The following ABCB6 variants were observed in gnomAD, a reference collection of about 807,000 sequenced individuals.
ABCB6 encodes the protein ATP binding cassette subfamily B member 6 (LAN blood group).
ABCB6 carries 87 observed loss-of-function variants against 99.4 expected under a neutral mutation model. The observed-to-expected ratio is 0.88, with a 90% confidence interval of 0.74 to 1.05. The LOEUF is 1.05. Among genes scored for constraint, ABCB6 ranks in the 50% least tolerant of loss-of-function variants. The probability of loss-of-function intolerance (pLI) is 0.00; values close to 1 mark genes in which losing one functional copy is unlikely to be tolerated. For missense variants in ABCB6, 1,050 were observed against 1,097.9 expected (o/e 0.96, Z 0.62); for synonymous variants, 482 against 447.5 (o/e 1.08, Z -0.97).
rs749201224 is a variant in ABCB6, at chr2:219,213,846, C to CA, written c.1557dup (p.Val520CysfsTer3). ...CTCACCTGTAGCTTCTGCTCAGTGA[C>CA]AAAGTATGCGCAAAGCAGGGAGCCG... On this transcript the variant is annotated frameshift_variant, in exon 9 of 19. Transcript: ENST00000265316. LOFTEE classifies it high-confidence loss of function. The CA allele has an allele frequency of 5.6e-6, 9 of 1,614,176 alleles. No homozygotes were observed. In the Admixed American group the frequency reaches 1.5e-4, roughly 27 times the overall value.
chr2:219,218,209 A>G lies in ABCB6; in HGVS notation c.465T>C (p.Thr155=). The part of the protein sequence containing the change: ...RHSPGLLLLW[T]VAFAAENLAL... ...CCAAGTTCTCAGCTGCAAACGCCAC[A>G]GTCCAGAGGAGCAGGAGACCAGGGC... Residue 155 remains threonine (T), a synonymous_variant, in exon 1 of 19, where the codon ACT becomes ACC. Coordinates refer to ENST00000265316, the MANE Select transcript of ABCB6 (RefSeq NM_005689.4). The G allele has an allele frequency of 6.2e-7, 1 of 1,613,848 alleles. No individual in the cohort carries two copies. The highest frequency in any genetic ancestry group is 8.5e-7 in the Non-Finnish European group (1 of 1,180,000).
In ABCB6 at chr2:219,210,956, A is replaced by G. The variant is rs767889084; in HGVS notation, c.2121T>C (p.Asp707=). The part of the protein sequence containing the change: ...EAAAQAAGIH[D]AIMAFPEGYR... ...CACCTTCAGGGAAAGCCATAATGGC[A>G]TCATGGATGCCTGCAGCCTGAGCAG... The change falls in exon 15 of 19, where the codon GAT becomes GAC. Residue 707 remains aspartate, a synonymous_variant. Coordinates refer to ENST00000265316, the MANE Select transcript of ABCB6 (RefSeq NM_005689.4). 1.2e-6 allele frequency: 2 copies of G among 1,614,214 alleles called. No homozygotes were observed. Among genetic ancestry groups the G allele is most frequent in the Non-Finnish European group, 1.7e-6 (2 of 1,180,032 alleles).
At chr2:219,210,860 G>A (rs767996653) in intron 15 of ABCB6, 37 bp from the exon 16 acceptor site, 16 of 1,613,132 alleles carry the variant, frequency 9.9e-6, no homozygotes, top group East Asian at 4.5e-5. Context: ...CTTACGAAAC[G>A]GAGGGAACAG....
Position 219,213,853 on chromosome 2 carries a change from T to G in ABCB6, c.1551A>C (p.Ala517=), listed in dbSNP as rs777482073. ...GTAGCTTCTGCTCAGTGACAAAGTA[T>G]GCGCAAAGCAGGGAGCCGGCGAGGA... ...LGLLAGSLLC[A]YFVTEQKLQV... The change falls in exon 9 of 19, where the codon GCA becomes GCC. Residue 517 remains alanine, a synonymous_variant. Coordinates refer to ENST00000265316, the MANE Select transcript of ABCB6 (RefSeq NM_005689.4). 2 of 1,613,952 alleles carry G rather than the reference T, an allele frequency of 1.2e-6. No individual in the cohort carries two copies. The highest frequency in any genetic ancestry group is 2.7e-5 in the African/African-American group (2 of 74,890).
At position 219,216,615 on chromosome 2, in the gene ABCB6, A is replaced by G; in HGVS notation, c.868+37T>C. On this transcript the variant is annotated intron_variant, in intron 3 of 18. Coordinates refer to ENST00000265316, the MANE Select transcript of ABCB6 (RefSeq NM_005689.4). This position sits in a 1 kb window ranked among gnomAD's most constrained non-coding sequence, Gnocchi z 4.2. The stretch of plus-strand genomic sequence containing the variant: ...ACCATCCCAGCCACCAGGCTGATGA[A>G]GGACCAGCACACTGAGCTGGTGCTC... The G allele has an allele frequency of 6.5e-7, 1 of 1,542,926 alleles. No individual in the cohort carries two copies. The highest frequency in any genetic ancestry group is 1.7e-4 in the Middle Eastern group (1 of 5,904).
chr2:219,213,853 T>A lies in ABCB6; in HGVS notation c.1551A>T (p.Ala517=). 7 of 1,614,070 alleles carry A rather than the reference T, an allele frequency of 4.3e-6. No individual in the cohort carries two copies. Among genetic ancestry groups the A allele is most frequent in the Non-Finnish European group, 5.9e-6 (7 of 1,180,038 alleles). The change falls in exon 9 of 19, where the codon GCA becomes GCT. Residue 517 remains alanine (A), a synonymous_variant. Coordinates refer to ENST00000265316, the MANE Select transcript of ABCB6 (RefSeq NM_005689.4). ...LGLLAGSLLC[A]YFVTEQKLQV... is the part of the protein sequence containing the mutation. ...GTAGCTTCTGCTCAGTGACAAAGTA[T>A]GCGCAAAGCAGGGAGCCGGCGAGGA...
At chr2:219,217,936 A>T (rs1379021792) in intron 1 of ABCB6, 129 bp from the exon 2 acceptor site, 1 of 1,313,634 alleles carries the variant, frequency 7.6e-7, no homozygotes, top group South Asian at 1.6e-5. Flanking sequence ...AAAAAAAAAA[A>T]GCAAAACCAC....
chr2:219,210,772 TTC>T lies in ABCB6; in HGVS notation c.2193_2194del (p.Lys732AlafsTer20). ...GGTGCGGGCAATGGCGACGCGCTGC[TTC>T]TCCCCGCCGCTCAGCTTCAGTCCCC... On this transcript the variant is annotated frameshift_variant, in exon 16 of 19. Transcript: ENST00000265316. LOFTEE classifies it high-confidence loss of function. 6.2e-7 allele frequency: 1 copy of T among 1,613,704 alleles called. No homozygotes were observed. Among genetic ancestry groups the T allele is most frequent in the Admixed American group, 1.7e-5 (1 of 60,012 alleles).
chr2:219,210,420 T>G lies in ABCB6; in HGVS notation c.2312A>C (p.Lys771Thr). The change falls in exon 17 of 19, where the codon AAA (lysine) becomes ACA (threonine). Residue 771 changes from lysine to threonine, a missense_variant. By Grantham distance (78) the Lys-to-Thr change is moderately conservative. Transcript: ENST00000265316. ...NERAIQASLA[K>T]VCANRTTIVV... ...GATGGTGGTGCGGTTGGCACAGACT[T>G]TGGCCAGAGAAGCCTGGATGGCCCT... 6.2e-7 allele frequency: 1 copy of G among 1,614,178 alleles called. No homozygotes were observed. Among genetic ancestry groups the G allele is most frequent in the Non-Finnish European group, 8.5e-7 (1 of 1,180,024 alleles).
At chr2:219,210,115 CAGAG>C (rs1559234010) in intron 18 of ABCB6, 69 bp from the exon 19 acceptor site, 10 of 1,598,290 alleles carry the variant, frequency 6.3e-6, no homozygotes, top group Non-Finnish European at 8.6e-6. Context: ...CACCAGCCCA[CAGAG>C]AGGACGGGAT....
At chr2:219,217,128 G>A (rs1402119316) in intron 2 of ABCB6, among the ~76,000 whole-genome samples, 1 of 152,194 alleles carries the variant, frequency 6.6e-6, no homozygotes, top group East Asian at 1.9e-4. Context: ...GGAGTCCGAG[G>A]CAGGTGGGTC....
At position 219,214,347 on chromosome 2, in the gene ABCB6, C is replaced by T. The variant is rs764495190; in HGVS notation, c.1386+42G>A. 3.2e-6 allele frequency: 5 copies of T among 1,555,570 alleles called. No individual in the cohort carries two copies. In the Admixed American group the frequency reaches 6.7e-5, roughly 21 times the overall value. On this transcript the variant is annotated intron_variant, in intron 7 of 18. Coordinates refer to ENST00000265316, the MANE Select transcript of ABCB6 (RefSeq NM_005689.4). ...CAGTGGTCCTGGTTACACTCCTCCACATCTCCACGCCTCACACCACTGCCA... is the reference window on the plus strand; with the variant it reads ...CAGTGGTCCTGGTTACACTCCTCCATATCTCCACGCCTCACACCACTGCCA...
chr2:219,218,332 C>G lies in ABCB6; in HGVS notation c.342G>C (p.Glu114Asp), dbSNP rs2106430951. The change falls in exon 1 of 19, where the codon GAG becomes GAC. Residue 114 changes from glutamate to aspartate, a missense_variant. Physicochemically the swap from Glu to Asp is conservative, Grantham distance 45. Transcript: ENST00000265316. ...PSYLLLASVL[E>D]SLAGACGLWL... ...ACAGGCCACAGGCGCCGGCCAGACT[C>G]TCCAGCACGGAGGCCAGAAGTAGAT... The G allele has an allele frequency of 3.1e-6, 5 of 1,613,254 alleles. No homozygotes were observed. The highest frequency in any genetic ancestry group is 3.4e-6 in the Non-Finnish European group (4 of 1,180,032).
chr2:219,218,109 C>T lies in ABCB6; in HGVS notation c.549+16G>A. 1.3e-6 allele frequency: 2 copies of T among 1,584,932 alleles called. No homozygotes were observed. The highest frequency in any genetic ancestry group is 1.7e-6 in the Non-Finnish European group (2 of 1,165,562). On this transcript the variant is annotated intron_variant, in intron 1 of 18. Coordinates refer to ENST00000265316, the MANE Select transcript of ABCB6 (RefSeq NM_005689.4). ...CCGGCCAGCAGAGGCTTCCCCCTTC[C>T]CACAGAGTCCCTCACCTGCTGGCCC...
rs771604122 is a variant in ABCB6 at position 219,210,217 on chromosome 2, A to G, written c.2420+13T>C. The G allele has an allele frequency of 6.2e-7, 1 of 1,613,978 alleles. No homozygotes were observed. Among genetic ancestry groups the G allele is most frequent in the Non-Finnish European group, 8.5e-7 (1 of 1,179,966 alleles). On this transcript the variant is annotated intron_variant, in intron 18 of 18. Transcript: ENST00000265316. The stretch of plus-strand genomic sequence containing the variant: ...TTCAGAAGACCTGTCCTTTTGATCT[A>G]TGTGTCTCTTACCGTCCCCTCTCCA...
chr2:219,216,727 C>T lies in ABCB6; in HGVS notation c.793G>A (p.Val265Met), dbSNP rs746608536. 1.2e-6 allele frequency: 2 copies of T among 1,605,774 alleles called. No individual in the cohort carries two copies. The highest frequency in any genetic ancestry group is 2.7e-5 in the African/African-American group (2 of 74,642). Residue 265 changes from valine to methionine, a missense_variant, in exon 3 of 19, where the codon GTG becomes ATG. Val to Met is a conservative substitution (Grantham distance 21, BLOSUM62 1). Transcript: ENST00000265316. The surrounding 1 kb of genome is among the most constrained non-coding windows in gnomAD (Gnocchi z 4.2). Reference sequence around the variant, plus strand: ...CCCATGAGCCCCAGGCAGATGAGCACCACCAGCTGCAGAGCTGGACTCCCT... The same window carrying T: ...CCCATGAGCCCCAGGCAGATGAGCATCACCAGCTGCAGAGCTGGACTCCCT... ...PRGSPALQLVVLICLGLMGLE... is the reference protein window; with the variant it reads ...PRGSPALQLVMLICLGLMGLE...
chr2:219,214,313 T>C (rs1950613530), intron 7 of ABCB6, 76 bp downstream of exon 7: 3 of 1,482,400 alleles, frequency 2.0e-6, no homozygotes, highest in South Asian at 2.3e-5. Context: ...CCCAGCTCTC[T>C]GTCAGCCCCA....
At chr2:219,213,543 G>A (rs1332947086) in intron 10 of ABCB6, 41 bp from the exon 11 acceptor site, 3 of 1,614,184 alleles carry the variant, frequency 1.9e-6, no homozygotes, top group African/African-American at 1.3e-5. Flanking sequence ...GAGTAGCCAG[G>A]AAATAATAAT....
intron 7 of ABCB6, 53 bp from the exon 8 acceptor site, chr2:219,214,239 G>A (rs1048800461): frequency 6.4e-7 from 1 of 1,573,168 alleles, no homozygotes; most frequent in African/African-American, 1.4e-5. Flanking sequence ...ATGGCACTCG[G>A]GTCATTCCCC....
Sources: allele counts gnomAD v4.1 joint callset (sites outside exome capture counted in the v4.1 genomes callset), GRCh38; gene constraint gnomAD v4.1.1; non-coding constraint Gnocchi (gnomAD v3.1); transcripts MANE v1.5; gene names NCBI Gene and HGNC (gene_info 2026-07-23, HGNC 2026-07-21).